Variants in TBC1D22A observed in about 807,000 individuals in gnomAD.
TBC1D22A encodes the protein putative GTPase activator.
Under a neutral mutation model 60.2 loss-of-function variants are expected in TBC1D22A, and 38 were observed. The observed-to-expected ratio is 0.63, with a 90% CI of 0.49 to 0.83. The LOEUF is 0.83. TBC1D22A is among the 40% of genes least tolerant of loss of function. The pLI is 0.00. For synonymous variants in TBC1D22A, 302 were observed against 281.7 expected (o/e 1.07, Z -0.72); for missense variants, 628 against 701.0 (o/e 0.90, Z 1.18).
intron 12 of TBC1D22A, among the ~76,000 whole-genome samples, chr22:47,150,093 C>A (rs2147170724): frequency 6.6e-6 from 1 of 152,262 alleles, no homozygotes; most frequent in South Asian, 2.1e-4. Context: ...AATGAGTGGA[C>A]TGCATTTCTC....
intron 1 of TBC1D22A, among the ~76,000 whole-genome samples, chr22:46,774,386 T>A (rs1188487664): frequency 6.6e-6 from 1 of 152,244 alleles, no homozygotes; most frequent in Admixed American, 6.5e-5. Flanking sequence ...ATCCCCAGAC[T>A]TTTTGTTCCC....
intron 8 of TBC1D22A, among the ~76,000 whole-genome samples, chr22:46,934,201 A>T (rs545044751): frequency 6.6e-6 from 1 of 152,340 alleles, no homozygotes; most frequent in African/African-American, 2.4e-5. Flanking sequence ...CTTTGCAGAT[A>T]ACTAAGGAAT....
chr22:47,000,514 G>T (rs1401766285), intron 10 of TBC1D22A, among the ~76,000 whole-genome samples: 3 of 152,202 alleles, frequency 2.0e-5, no homozygotes, highest in African/African-American at 7.2e-5. Flanking sequence ...GAAGAGAGAG[G>T]GCTGTGTCTG....
chr22:47,099,509 G>T (rs375998994), intron 11 of TBC1D22A, among the ~76,000 whole-genome samples: 1 of 151,122 alleles, frequency 6.6e-6, no homozygotes, highest in Non-Finnish European at 1.5e-5. Context: ...GCAATGGCGC[G>T]ATCTCAGCTC....
chr22:47,108,937 C>T (rs181812195), intron 11 of TBC1D22A, among the ~76,000 whole-genome samples: 22 of 152,300 alleles, frequency 1.4e-4, no homozygotes, highest in Non-Finnish European at 2.5e-4. Flanking sequence ...CCTTGTGATC[C>T]GCCCGCTTCG....
At chr22:46,792,670 A>G (rs1338311952) in intron 2 of TBC1D22A, 94 bp downstream of exon 2, 1 of 1,611,128 alleles carries the variant, frequency 6.2e-7, no homozygotes, top group African/African-American at 1.3e-5. Flanking sequence ...GCTCCCAGGC[A>G]TTCCTCAGGG....
chr22:46,812,019 G>T (rs183764300), intron 4 of TBC1D22A, among the ~76,000 whole-genome samples: 5 of 152,252 alleles, frequency 3.3e-5, no homozygotes, highest in Non-Finnish European at 7.4e-5. Flanking sequence ...GGTTGCCAAG[G>T]TCTGGAAATC....
intron 3 of TBC1D22A, among the ~76,000 whole-genome samples, chr22:46,794,894 G>A (rs2084586780): frequency 1.3e-5 from 2 of 152,214 alleles, no homozygotes; most frequent in Admixed American, 1.3e-4. Flanking sequence ...TCTTCTGGGG[G>A]CTAGGGTGCT....
chr22:46,908,972 G>A (rs1033263991), intron 7 of TBC1D22A, among the ~76,000 whole-genome samples: 1 of 152,144 alleles, frequency 6.6e-6, no homozygotes, highest in Non-Finnish European at 1.5e-5. Context: ...CCGAGTCGAG[G>A]CCCCGGCCTG....
At chr22:47,155,535 T>A (rs1031466343) in intron 12 of TBC1D22A, among the ~76,000 whole-genome samples, 4 of 152,176 alleles carry the variant, frequency 2.6e-5, no homozygotes, top group Non-Finnish European at 4.4e-5. Context: ...GCCCTGGGGA[T>A]GCCCGGCCAC....
intron 11 of TBC1D22A, among the ~76,000 whole-genome samples, chr22:47,043,045 C>A (rs2062902607): frequency 6.6e-6 from 1 of 152,222 alleles, no homozygotes; most frequent in African/African-American, 2.4e-5. Flanking sequence ...GGGTTGGGCC[C>A]TGTTCTCAGC....
intron 12 of TBC1D22A, among the ~76,000 whole-genome samples, chr22:47,136,270 C>G (rs949354476): frequency 2.0e-5 from 3 of 152,222 alleles, no homozygotes; most frequent in Non-Finnish European, 4.4e-5. Flanking sequence ...GGCCCCCGCC[C>G]CAGGTCCCCA....
chr22:46,800,035 C>T (rs2084827243), intron 4 of TBC1D22A, among the ~76,000 whole-genome samples: 1 of 152,080 alleles, frequency 6.6e-6, no homozygotes, highest in Non-Finnish European at 1.5e-5. Flanking sequence ...GGCAGTTGTG[C>T]ACCTCACTTT....
intron 8 of TBC1D22A, among the ~76,000 whole-genome samples, chr22:46,936,881 A>G (rs2071687089): frequency 6.6e-6 from 1 of 152,216 alleles, no homozygotes; most frequent in Non-Finnish European, 1.5e-5. Flanking sequence ...GCAAACTCAC[A>G]AAAATAAACG....
chr22:46,913,655 G>C (rs971295121), intron 8 of TBC1D22A: 2 of 985,272 alleles, frequency 2.0e-6, no homozygotes, highest in Non-Finnish European at 2.4e-6. Flanking sequence ...AATGATCCTA[G>C]AACAGTAGGA....
chr22:46,837,822 G>C (rs2086586783), intron 4 of TBC1D22A, among the ~76,000 whole-genome samples: 1 of 152,226 alleles, frequency 6.6e-6, no homozygotes, highest in Non-Finnish European at 1.5e-5. Context: ...CCAGCACTTT[G>C]GGAGGTCGAG....
intron 4 of TBC1D22A, among the ~76,000 whole-genome samples, chr22:46,864,262 A>G (rs758240521): frequency 6.6e-6 from 1 of 152,214 alleles, no homozygotes; most frequent in Non-Finnish European, 1.5e-5. Context: ...ATAACTCGAG[A>G]AAAGCTGCCA....
chr22:46,799,546 GC>G (rs1412815493), intron 4 of TBC1D22A, among the ~76,000 whole-genome samples: 1 of 152,184 alleles, frequency 6.6e-6, no homozygotes, highest in Non-Finnish European at 1.5e-5. Flanking sequence ...GTCACATTCT[GC>G]CAGTTGTCCC....
At chr22:46,797,024 C>G (rs2084683533) in intron 3 of TBC1D22A, among the ~76,000 whole-genome samples, 2 of 152,176 alleles carry the variant, frequency 1.3e-5, no homozygotes, top group African/African-American at 4.8e-5. Context: ...AGGCTTTCTC[C>G]TTTCCCTCAT....
Sources: gnomAD v4.1 joint callset for allele counts (sites outside exome capture counted in the v4.1 genomes callset) on GRCh38, gnomAD v4.1.1 for gene constraint, MANE v1.5 for transcripts, NCBI Gene and HGNC (gene_info 2026-07-23, HGNC 2026-07-21) for gene names.